ADCY7: variants seen among roughly 807,000 people sequenced by gnomAD.
The protein encoded by ADCY7 is adenylate cyclase 7.
Under a neutral mutation model 120.6 loss-of-function variants are expected in ADCY7, and 72 were observed. That is an observed-to-expected ratio of 0.60 (90% confidence interval 0.49 to 0.73). The LOEUF is 0.73. Ranked by LOEUF, ADCY7 falls within the 30% of genes least tolerant of loss-of-function variation. The pLI, the probability that ADCY7 is intolerant of heterozygous loss-of-function variation, is 0.00. For synonymous variants in ADCY7, 661 were observed against 628.0 expected (o/e 1.05, Z -0.78); for missense variants, 1,227 against 1,486.0 (o/e 0.83, Z 2.87).
rs1054395726 is a variant in ADCY7, at chr16:50,304,283, C to G, written c.1369-77C>G. On this transcript the variant is annotated intron_variant, in intron 10 of 25. Coordinates refer to ENST00000673801, the MANE Select transcript of ADCY7 (RefSeq NM_001114.5). ...GGGCGGCGTCACACTTCAGGGAGAG[C>G]TGGATGGGGATGGCGGCCCCTTCCT... 3 of 1,314,300 alleles carry G rather than the reference C, an allele frequency of 2.3e-6. No individual in the cohort carries two copies. In the African/African-American group the frequency reaches 4.5e-5, roughly 20 times the overall value. 81.4% of individuals were successfully genotyped at this position (1,314,300 alleles called of 1,614,324 possible).
rs761325210 is a variant in ADCY7 at position 50,290,524 on chromosome 16, C to T, written c.239C>T (p.Ser80Phe). ...FLVLAVFAAL[S>F]VLMYVECLLR... ...GTGCTGGCGGTGTTTGCGGCCCTCT[C>T]TGTGCTGATGTACGTCGAGTGTCTC... Residue 80 changes from serine (S) to phenylalanine (F), a missense_variant, in exon 3 of 26, where the codon TCT becomes TTT. Physicochemically the swap from Ser to Phe is radical, Grantham distance 155. Transcript: ENST00000673801. 1.2e-6 allele frequency: 2 copies of T among 1,614,258 alleles called. No individual in the cohort carries two copies. Among genetic ancestry groups the T allele is most frequent in the Non-Finnish European group, 8.5e-7 (1 of 1,180,054 alleles).
At chr16:50,259,977 A>G (rs1347525850) in intron 1 of ADCY7, among the ~76,000 whole-genome samples, 8 of 152,112 alleles carry the variant, frequency 5.3e-5, no homozygotes, top group Admixed American at 4.6e-4. Flanking sequence ...CCAGCGTGAA[A>G]GATGCATCTG....
intron 8 of ADCY7, among the ~76,000 whole-genome samples, chr16:50,299,472 C>T (rs1364546134): frequency 6.6e-6 from 1 of 152,240 alleles, no homozygotes; most frequent in Admixed American, 6.5e-5. Flanking sequence ...CCCCCGCTCC[C>T]CTCTAGGTCC....
At chr16:50,303,478 ACT>A (rs2035865870) in intron 10 of ADCY7, among the ~76,000 whole-genome samples, 2 of 151,900 alleles carry the variant, frequency 1.3e-5, no homozygotes. Context: ...CTAAGGAGAG[ACT>A]CAGCAGACCT....
At chr16:50,265,475 C>T (rs1462341109), upstream of ADCY7, among the ~76,000 whole-genome samples, 1 of 152,190 alleles carries the variant, frequency 6.6e-6, no homozygotes, top group Admixed American at 6.5e-5. Context: ...TTCAGTTCCT[C>T]CTGATCAGTA....
At position 50,315,465 on chromosome 16, in the gene ADCY7, G is replaced by C; in HGVS notation, c.3203G>C (p.Cys1068Ser). 1 of 1,613,712 alleles carries C rather than the reference G, an allele frequency of 6.2e-7. No individual in the cohort carries two copies. Among genetic ancestry groups the C allele is most frequent in the South Asian group, 1.1e-5 (1 of 91,084 alleles). The change falls in exon 26 of 26, where the codon TGT (cysteine) becomes TCT (serine). Residue 1068 changes from cysteine to serine, a missense_variant. Physicochemically the swap from Cys to Ser is moderately radical, Grantham distance 112. Coordinates refer to ENST00000673801, the MANE Select transcript of ADCY7 (RefSeq NM_001114.5). ...GKGELRTYFV[C>S]TDTAKFQGLG... ...GGCGAGCTGAGGACTTACTTTGTCTGTACGGACACTGCCAAGTTTCAGGGG... is the reference window on the plus strand; with the variant it reads ...GGCGAGCTGAGGACTTACTTTGTCTCTACGGACACTGCCAAGTTTCAGGGG...
intron 21 of ADCY7, among the ~76,000 whole-genome samples, chr16:50,312,392 G>A (rs1256903188): frequency 2.6e-5 from 4 of 152,194 alleles, no homozygotes; most frequent in Admixed American, 6.5e-5. Flanking sequence ...AAGTGTGGTC[G>A]TGAACAAGGC....
intron 8 of ADCY7, among the ~76,000 whole-genome samples, chr16:50,299,449 G>A (rs985779945): frequency 3.3e-5 from 5 of 152,226 alleles, no homozygotes; most frequent in African/African-American, 1.2e-4. Context: ...TGGTCCTGAG[G>A]CTGCGGGGAG....
chr16:50,300,450 T>C (rs1483899846), intron 8 of ADCY7, among the ~76,000 whole-genome samples: 1 of 152,196 alleles, frequency 6.6e-6, no homozygotes, highest in Non-Finnish European at 1.5e-5. Flanking sequence ...TCCATCAACA[T>C]GGGCTGTAGT....
intron 2 of ADCY7, among the ~76,000 whole-genome samples, chr16:50,288,769 T>C (rs537600271): frequency 6.6e-6 from 1 of 152,192 alleles, no homozygotes; most frequent in Non-Finnish European, 1.5e-5. Flanking sequence ...TGAGCCACCA[T>C]GCCCGGCCAA....
At chr16:50,275,768 G>A (rs1467855175) in intron 1 of ADCY7, among the ~76,000 whole-genome samples, 3 of 152,310 alleles carry the variant, frequency 2.0e-5, no homozygotes, top group East Asian at 3.9e-4. Context: ...ACTGGGCCTT[G>A]GAGAGGGGCA....
chr16:50,264,282 A>G (rs922512344), upstream of ADCY7, among the ~76,000 whole-genome samples: 2 of 152,172 alleles, frequency 1.3e-5, no homozygotes, highest in Non-Finnish European at 2.9e-5. Context: ...ATATTCATTC[A>G]TGTTGTGTGT....
intron 4 of ADCY7, among the ~76,000 whole-genome samples, 153 bp downstream of exon 4, chr16:50,292,050 G>A (rs2035016755): frequency 6.6e-6 from 1 of 152,212 alleles, no homozygotes; most frequent in Non-Finnish European, 1.5e-5. Flanking sequence ...ACGTCTGCTC[G>A]GAAGCTGGGC....
rs376833139 is a variant in ADCY7, at chr16:50,311,654, T to C, written c.2355-39T>C. 3 of 1,444,076 alleles carry C rather than the reference T, an allele frequency of 2.1e-6. No homozygotes were observed. In the African/African-American group the frequency reaches 4.2e-5, roughly 20 times the overall value. The allele number at this position is 1,444,076 out of a possible 1,614,324, so 89.5% of individuals were successfully genotyped here. A position where few individuals can be genotyped will look rare whatever the true frequency, so the allele number is the denominator to read the frequency against. On this transcript the variant is annotated intron_variant, in intron 19 of 25. Coordinates refer to ENST00000673801, the MANE Select transcript of ADCY7 (RefSeq NM_001114.5). ...AGCATGACTCAGTGGGTTGGAGTGGTGAGTGCTGGGAGTGACTTGGGCCTC... is the reference window on the plus strand; with the variant it reads ...AGCATGACTCAGTGGGTTGGAGTGGCGAGTGCTGGGAGTGACTTGGGCCTC...
chr16:50,260,257 G>A (rs968465004), intron 1 of ADCY7, among the ~76,000 whole-genome samples: 5 of 152,222 alleles, frequency 3.3e-5, no homozygotes, highest in African/African-American at 1.2e-4. Context: ...CTTGCCCTCA[G>A]CCAGATGGGT....
chr16:50,295,722 C>G (rs901119958), intron 7 of ADCY7, among the ~76,000 whole-genome samples: 2 of 152,024 alleles, frequency 1.3e-5, no homozygotes, highest in Admixed American at 1.3e-4. Context: ...GAGCTCGACA[C>G]GTGCCAGGCA....
chr16:50,308,698 C>G lies in ADCY7; in HGVS notation c.1967C>G (p.Thr656Ser). The change falls in exon 17 of 26, where the codon ACT becomes AGT. Residue 656 changes from threonine to serine, a missense_variant. Coordinates refer to ENST00000673801, the MANE Select transcript of ADCY7 (RefSeq NM_001114.5). ...TGCCCAGCTCGGGGGACGCTCTGCACTATCTCTGAGAGGGTGGAGACACAG... is the reference window on the plus strand; with the variant it reads ...TGCCCAGCTCGGGGGACGCTCTGCAGTATCTCTGAGAGGGTGGAGACACAG... ...RCCPARGTLC[T>S]ISERVETQPL... The G allele has an allele frequency of 6.2e-7, 1 of 1,613,710 alleles. No individual in the cohort carries two copies. Among genetic ancestry groups the G allele is most frequent in the Non-Finnish European group, 8.5e-7 (1 of 1,179,980 alleles).
intron 12 of ADCY7, 93 bp from the exon 13 acceptor site, chr16:50,305,410 T>C: frequency 8.9e-7 from 1 of 1,127,136 alleles, no homozygotes; most frequent in Non-Finnish European, 1.3e-6. Flanking sequence ...CACCTGAGGT[T>C]CTGGGACCCC....
intron 1 of ADCY7, among the ~76,000 whole-genome samples, chr16:50,261,340 G>T (rs995245832): frequency 3.9e-5 from 6 of 152,176 alleles, no homozygotes; most frequent in Non-Finnish European, 7.3e-5. Context: ...AGCATTCCAG[G>T]GACACTAAGG....
Sources: gnomAD v4.1 joint callset for allele counts (sites outside exome capture counted in the v4.1 genomes callset) on GRCh38, gnomAD v4.1.1 for gene constraint, MANE v1.5 for transcripts, NCBI Gene and HGNC (gene_info 2026-07-23, HGNC 2026-07-21) for gene names.